Variants in RGPD8 observed in about 807,000 individuals in gnomAD.
The protein encoded by RGPD8 is RANBP2 like and GRIP domain containing 8, also known as RANBP2-like and GRIP domain-containing protein 8.
Under a neutral mutation model 89.1 loss-of-function variants are expected in RGPD8, and 15 were observed. The observed-to-expected ratio is 0.17, with a 90% CI of 0.11 to 0.26. RGPD8 has a LOEUF of 0.26. Ranked by LOEUF, RGPD8 falls within the 10% of genes least tolerant of loss-of-function variation. The pLI, the probability that RGPD8 is intolerant of heterozygous loss-of-function variation, is 1.00. For synonymous variants in RGPD8, 62 were observed against 420.9 expected, an observed-to-expected ratio of 0.15 and a Z score of 10.44; for missense variants, 178 against 1,179.6, an observed-to-expected ratio of 0.15 and a Z score of 12.44.
chr2:112,432,760 G>A (rs1414325019), intron 1 of RGPD8, among the ~76,000 whole-genome samples: 2 of 152,140 alleles, frequency 1.3e-5, no homozygotes, highest in African/African-American at 4.8e-5. Flanking sequence ...AGCGAGCACC[G>A]TCGGGAACAA....
intron 1 of RGPD8, among the ~76,000 whole-genome samples, chr2:112,429,355 G>C (rs1297602433): frequency 7.3e-6 from 1 of 137,082 alleles, no homozygotes; most frequent in Non-Finnish European, 1.5e-5. Context: ...GGCAGAGTTT[G>C]CAGTGAGCCG....
intron 22 of RGPD8, among the ~76,000 whole-genome samples, chr2:112,370,986 C>T (rs1293393796): frequency 1.3e-5 from 2 of 149,906 alleles, no homozygotes; most frequent in Non-Finnish European, 3.0e-5. Context: ...TATTTATTGT[C>T]TTTCTCTATT....
chr2:112,427,043 C>CT (rs1164653509), intron 1 of RGPD8, among the ~76,000 whole-genome samples: 1 of 151,938 alleles, frequency 6.6e-6, no homozygotes, highest in Non-Finnish European at 1.5e-5. Context: ...GATCTGACTT[C>CT]TTCCGCCTCC....
chr2:112,415,183 A>C (rs1403865179), intron 6 of RGPD8, among the ~76,000 whole-genome samples: 1 of 151,882 alleles, frequency 6.6e-6, no homozygotes, highest in Non-Finnish European at 1.5e-5. Flanking sequence ...GGAGATCGAG[A>C]CCATCCTGGC....
intron 1 of RGPD8, among the ~76,000 whole-genome samples, chr2:112,428,720 G>A (rs1679885066): frequency 6.6e-6 from 1 of 152,174 alleles, no homozygotes; most frequent in African/African-American, 2.4e-5. Flanking sequence ...ATCAATCAAT[G>A]TTTTAAGCTG....
At chr2:112,426,871 G>C (rs1052982910) in intron 1 of RGPD8, among the ~76,000 whole-genome samples, 5 of 147,224 alleles carry the variant, frequency 3.4e-5, no homozygotes, top group African/African-American at 1.3e-4. Context: ...CTGTCGCCAG[G>C]CTGGAGTGCG....
At chr2:112,420,082 C>A (rs1679520761) in intron 4 of RGPD8, among the ~76,000 whole-genome samples, 1 of 146,706 alleles carries the variant, frequency 6.8e-6, no homozygotes, top group African/African-American at 2.6e-5. Flanking sequence ...GTGGGTGGAT[C>A]ACCTGAGAAC....
chr2:112,424,507 G>T (rs1181188171), intron 1 of RGPD8, among the ~76,000 whole-genome samples, 200 bp from the exon 2 acceptor site: 2 of 152,084 alleles, frequency 1.3e-5, no homozygotes, highest in East Asian at 3.9e-4. Flanking sequence ...ATCACCTGAG[G>T]TCAGGAGTTT....
intron 1 of RGPD8, among the ~76,000 whole-genome samples, chr2:112,428,102 G>C (rs1267753675): frequency 6.6e-6 from 1 of 152,240 alleles, no homozygotes; most frequent in African/African-American, 2.4e-5. Context: ...AGAATCTCAT[G>C]GGACTCCTAA....
intron 1 of RGPD8, chr2:112,432,590 C>T (rs1340568703): frequency 4.1e-6 from 4 of 985,274 alleles, no homozygotes; most frequent in Non-Finnish European, 4.8e-6. Flanking sequence ...CACTGGGTTC[C>T]TCCAGGCCAA....
At chr2:112,429,967 C>T (rs1474623814) in intron 1 of RGPD8, among the ~76,000 whole-genome samples, 3 of 152,152 alleles carry the variant, frequency 2.0e-5, no homozygotes, top group South Asian at 2.1e-4. Context: ...CCACCACGCC[C>T]GGCTCATTTT....
chr2:112,374,931 C>T (rs1190609825), intron 22 of RGPD8, among the ~76,000 whole-genome samples: 4 of 136,370 alleles, frequency 2.9e-5, no homozygotes, highest in Admixed American at 7.4e-5. Context: ...GGCACCATCT[C>T]GGCTCACTGC....
chr2:112,410,922 C>T, intron 7 of RGPD8, among the ~76,000 whole-genome samples: 1 of 152,244 alleles, frequency 6.6e-6, no homozygotes, highest in South Asian at 2.1e-4. Context: ...CTCGTCTCTA[C>T]TAAAAACACA....
chr2:112,392,710 CAT>C (rs1021366272), intron 18 of RGPD8, among the ~76,000 whole-genome samples: 1 of 85,908 alleles, frequency 1.2e-5, no homozygotes, highest in African/African-American at 4.5e-5. Flanking sequence ...CCAGAAACAA[CAT>C]AAATAAAGGA....
chr2:112,382,649 A>AT (rs1231069038), intron 20 of RGPD8, among the ~76,000 whole-genome samples: 2 of 149,336 alleles, frequency 1.3e-5, no homozygotes, highest in African/African-American at 2.4e-5. Context: ...GGCCTATTAG[A>AT]TTTTTTTTAA....
intron 7 of RGPD8, among the ~76,000 whole-genome samples, chr2:112,411,282 A>G (rs1370525360): frequency 2.0e-5 from 3 of 149,256 alleles, no homozygotes; most frequent in African/African-American, 7.4e-5. Context: ...AAAAAAAAAA[A>G]AAAGGCCAGG....
At chr2:112,426,553 C>T (rs1424550875) in intron 1 of RGPD8, among the ~76,000 whole-genome samples, 2 of 148,700 alleles carry the variant, frequency 1.3e-5, no homozygotes, top group African/African-American at 2.5e-5. Context: ...GTACCAGCAA[C>T]GAACAATCAG....
chr2:112,379,614 A>G lies in RGPD8; in HGVS notation c.5061+1210T>C, dbSNP rs3960722. Among the ~76,000 whole-genome samples, 4 of 116,994 alleles carry G rather than the reference A, an allele frequency of 3.4e-5. No individual in the cohort carries two copies. The Admixed American group carries it at 3.4e-4, about 10-fold the overall frequency. The allele number at this position is 116,994 out of a possible 152,430, so 76.8% of individuals were successfully genotyped here. A position where few individuals can be genotyped will look rare whatever the true frequency, so the allele number is the denominator to read the frequency against. ...TCTCAAAAAAAAAAAACAAGAAAAT[A>G]TAACATTTAAATAAGTCATTTAGGT... is the stretch of plus-strand genomic sequence containing the variant. On this transcript the variant is annotated intron_variant, in intron 21 of 22. Transcript: ENST00000302558.
At position 112,389,542 on chromosome 2, in the gene RGPD8, C is replaced by CTTT; in HGVS notation, c.3402_3403insAAA (p.Ser1134_Asp1135insLys). Reference sequence around the variant, plus strand: ...AGTTTGGCATCACCATCAGAGAAATCACTGGCTGACCACATCCATGCTCTA... The same window carrying CTTT: ...AGTTTGGCATCACCATCAGAGAAATCTTTACTGGCTGACCACATCCATGCTCTA... On this transcript the variant is annotated inframe_insertion, in exon 20 of 23. Transcript: ENST00000302558. The CTTT allele has an allele frequency of 6.2e-7, 1 of 1,611,398 alleles. No homozygotes were observed.
Sources: allele counts gnomAD v4.1 joint callset (sites outside exome capture counted in the v4.1 genomes callset), GRCh38; gene constraint gnomAD v4.1.1; transcripts MANE v1.5; gene names NCBI Gene and HGNC (gene_info 2026-07-23, HGNC 2026-07-21).